PEX14: variants seen among roughly 807,000 people sequenced by gnomAD.
PEX14 encodes the protein peroxisomal biogenesis factor 14.
In PEX14, 15 loss-of-function variants were observed where a neutral mutation model predicts 49.5. That is an observed-to-expected ratio of 0.30 (90% CI 0.20 to 0.47). PEX14 has a LOEUF of 0.47. Among genes scored for constraint, PEX14 ranks in the 20% least tolerant of loss-of-function variants. The probability of loss-of-function intolerance (pLI) is 1.00; values close to 1 mark genes in which losing one functional copy is unlikely to be tolerated. For missense variants in PEX14, 398 were observed against 494.8 expected (o/e 0.80, Z 1.86); for synonymous variants, 210 against 212.7 (o/e 0.99, Z 0.11).
rs538467707 is a variant in PEX14 at position 10,568,066 on chromosome 1, G to T, written c.170-31172G>T. On this transcript the variant is annotated intron_variant, in intron 3 of 8. Transcript: ENST00000356607. ...TAGCTAGATACTTATATTGTTTATG[G>T]TACGTTAATTCATGTCAGTTTTTCC... 1.2e-4 allele frequency among the ~76,000 whole-genome samples: 18 copies of T among 152,162 alleles called. No homozygotes were observed. In the South Asian group the frequency reaches 3.7e-3, roughly 32 times the overall value.
intron 4 of PEX14, among the ~76,000 whole-genome samples, chr1:10,617,880 G>A (rs1040126967): frequency 6.0e-5 from 9 of 151,170 alleles, no homozygotes; most frequent in South Asian, 2.1e-4. Context: ...TCTCCACTTC[G>A]CTGAGGCCCC....
chr1:10,519,873 C>T (rs568936233), intron 2 of PEX14, among the ~76,000 whole-genome samples: 6 of 152,182 alleles, frequency 3.9e-5, no homozygotes, highest in Admixed American at 1.3e-4. Context: ...ACCTTCCGGC[C>T]GAAGTGATCC....
chr1:10,563,014 C>G (rs548317587), intron 3 of PEX14, among the ~76,000 whole-genome samples: 1 of 150,032 alleles, frequency 6.7e-6, no homozygotes, highest in African/African-American at 2.4e-5. Flanking sequence ...CGGGTTCAAG[C>G]AATTCTCCTG....
intron 4 of PEX14, among the ~76,000 whole-genome samples, chr1:10,609,021 C>T (rs1047212702): frequency 1.3e-5 from 2 of 152,174 alleles, no homozygotes; most frequent in South Asian, 4.1e-4. Context: ...AATATGTGAT[C>T]TCTTGTACCT....
At chr1:10,482,168 A>G (rs1227156910) in intron 1 of PEX14, among the ~76,000 whole-genome samples, 2 of 147,732 alleles carry the variant, frequency 1.4e-5, no homozygotes, top group African/African-American at 5.0e-5. Context: ...TTGCTCTATC[A>G]CCCAGGCTGG....
At chr1:10,510,706 T>C (rs1369472445) in intron 2 of PEX14, among the ~76,000 whole-genome samples, 1 of 152,184 alleles carries the variant, frequency 6.6e-6, no homozygotes, top group Non-Finnish European at 1.5e-5. Context: ...TCATACATAT[T>C]TGTGGAATGA....
intron 4 of PEX14, among the ~76,000 whole-genome samples, chr1:10,609,322 T>C (rs1173133297): frequency 6.6e-6 from 1 of 152,214 alleles, no homozygotes; most frequent in Admixed American, 6.5e-5. Flanking sequence ...TTCTGGATCC[T>C]TCTTAATTCT....
intron 4 of PEX14, among the ~76,000 whole-genome samples, chr1:10,609,565 C>T (rs1400915559): frequency 6.6e-6 from 1 of 152,184 alleles, no homozygotes. Context: ...TCTGCTCTGT[C>T]ACTGTAGTTC....
intron 1 of PEX14, among the ~76,000 whole-genome samples, chr1:10,479,238 A>G (rs1293584063): frequency 6.6e-6 from 1 of 152,060 alleles, no homozygotes; most frequent in Non-Finnish European, 1.5e-5. Context: ...TTAGCCAGGC[A>G]TGGTAGTGCT....
intron 3 of PEX14, among the ~76,000 whole-genome samples, chr1:10,576,068 C>T (rs1640108254): frequency 6.6e-6 from 1 of 152,146 alleles, no homozygotes; most frequent in South Asian, 2.1e-4. Context: ...CCACCATTTT[C>T]TATTGGGATA....
chr1:10,533,863 A>T (rs1230812868), intron 2 of PEX14, among the ~76,000 whole-genome samples: 1 of 152,210 alleles, frequency 6.6e-6, no homozygotes, highest in Non-Finnish European at 1.5e-5. Flanking sequence ...TAAGAGATGC[A>T]TTTTTTTAAA....
chr1:10,594,385 G>T (rs988458684), intron 3 of PEX14, among the ~76,000 whole-genome samples: 4 of 152,290 alleles, frequency 2.6e-5, no homozygotes, highest in Middle Eastern at 3.4e-3. Flanking sequence ...CCAAGTCCTA[G>T]AAATAGAGGG....
intron 1 of PEX14, among the ~76,000 whole-genome samples, chr1:10,493,190 T>C (rs1222926105): frequency 6.6e-6 from 1 of 152,198 alleles, no homozygotes; most frequent in Non-Finnish European, 1.5e-5. Flanking sequence ...TTCTGTCTTC[T>C]AAGAGCAAGG....
intron 3 of PEX14, among the ~76,000 whole-genome samples, chr1:10,581,126 G>A (rs959180043): frequency 6.6e-6 from 1 of 152,040 alleles, no homozygotes; most frequent in Admixed American, 6.5e-5. Flanking sequence ...AACCAGAGAA[G>A]CAGAACCAAT....
At chr1:10,481,119 T>C (rs1451829809) in intron 1 of PEX14, among the ~76,000 whole-genome samples, 1 of 131,580 alleles carries the variant, frequency 7.6e-6, no homozygotes, top group Non-Finnish European at 1.6e-5. Context: ...TCTTTAGTCT[T>C]TTTTTTTTTT....
intron 1 of PEX14, among the ~76,000 whole-genome samples, chr1:10,487,952 T>C (rs1183962094): frequency 6.6e-6 from 1 of 151,912 alleles, no homozygotes; most frequent in Non-Finnish European, 1.5e-5. Context: ...GGCTAATTTT[T>C]GTATTTTTAA....
chr1:10,559,886 G>A (rs1169586477), intron 3 of PEX14, among the ~76,000 whole-genome samples: 1 of 152,038 alleles, frequency 6.6e-6, no homozygotes, highest in African/African-American at 2.4e-5. Flanking sequence ...GAGTTCTTGC[G>A]TTTTCAGTCT....
At chr1:10,519,746 T>C (rs1642033389) in intron 2 of PEX14, among the ~76,000 whole-genome samples, 2 of 152,348 alleles carry the variant, frequency 1.3e-5, no homozygotes, top group South Asian at 4.1e-4. Flanking sequence ...TGTGAGAATA[T>C]TCATTTCTAC....
chr1:10,520,547 G>T (rs1638252650), intron 2 of PEX14, among the ~76,000 whole-genome samples: 1 of 152,128 alleles, frequency 6.6e-6, no homozygotes, highest in Admixed American at 6.5e-5. Flanking sequence ...TTAGCAACAT[G>T]TAGGGGCTAC....
Sources: allele counts gnomAD v4.1 joint callset (sites outside exome capture counted in the v4.1 genomes callset), GRCh38; gene constraint gnomAD v4.1.1; transcripts MANE v1.5; gene names NCBI Gene and HGNC (gene_info 2026-07-23, HGNC 2026-07-21).